PTPRC: variants seen among roughly 807,000 people sequenced by gnomAD.
The protein encoded by PTPRC is receptor-type tyrosine-protein phosphatase C.
PTPRC carries 44 observed loss-of-function variants against 155.9 expected under a neutral mutation model. The ratio of observed to expected loss-of-function variants is 0.28; its 90% CI spans 0.22 to 0.36. The LOEUF is 0.36. PTPRC is among the 10% of genes least tolerant of loss of function. The pLI is 1.00. For missense variants in PTPRC, 1,401 were observed against 1,564.6 expected, an observed-to-expected ratio of 0.90 and a Z score of 1.76; for synonymous variants, 525 against 533.1, an observed-to-expected ratio of 0.98 and a Z score of 0.21.
At chr1:198,678,793 T>C (rs1196655593) in intron 2 of PTPRC, among the ~76,000 whole-genome samples, 1 of 152,058 alleles carries the variant, frequency 6.6e-6, no homozygotes, top group Non-Finnish European at 1.5e-5. Context: ...CTTTGATGCT[T>C]TGCTCTATTA....
intron 25 of PTPRC, among the ~76,000 whole-genome samples, chr1:198,743,424 A>G (rs1052832856): frequency 6.6e-6 from 1 of 151,928 alleles, no homozygotes; most frequent in African/African-American, 2.4e-5. Flanking sequence ...TACAGTGGAA[A>G]ATAAAGTACA....
At chr1:198,702,923 G>A (rs6680214) in intron 6 of PTPRC, among the ~76,000 whole-genome samples, 12,137 of 152,122 alleles carry the variant, frequency 0.08, 518 homozygotes, top group Non-Finnish European at 0.096. Flanking sequence ...AATAATTAAC[G>A]TGATGTCTGA....
intron 4 of PTPRC, among the ~76,000 whole-genome samples, chr1:198,697,813 G>A (rs778643678): frequency 1.3e-5 from 2 of 151,982 alleles, no homozygotes; most frequent in Non-Finnish European, 2.9e-5. Context: ...TTTTGTTTAG[G>A]GTACATCAAA....
At chr1:198,710,588 A>G (rs1393265712) in intron 11 of PTPRC, among the ~76,000 whole-genome samples, 1 of 152,184 alleles carries the variant, frequency 6.6e-6, no homozygotes, top group Non-Finnish European at 1.5e-5. Context: ...CCATTAATTT[A>G]TGTCTTCTTT....
At chr1:198,656,166 A>G (rs1258821452) in intron 2 of PTPRC, among the ~76,000 whole-genome samples, 1 of 152,136 alleles carries the variant, frequency 6.6e-6, no homozygotes. Flanking sequence ...AGTAGGATGT[A>G]ATTTTTGTCC....
intron 32 of PTPRC, among the ~76,000 whole-genome samples, chr1:198,755,269 T>C (rs759700518): frequency 2.6e-5 from 4 of 152,080 alleles, no homozygotes; most frequent in Non-Finnish European, 5.9e-5. Flanking sequence ...CTCTATGTGG[T>C]AGTAACTGTA....
At chr1:198,730,716 C>T (rs1438898196) in intron 17 of PTPRC, among the ~76,000 whole-genome samples, 2 of 152,120 alleles carry the variant, frequency 1.3e-5, no homozygotes, top group Non-Finnish European at 2.9e-5. Context: ...CCATGAAACC[C>T]TGAATGTGGC....
intron 9 of PTPRC, among the ~76,000 whole-genome samples, chr1:198,707,773 G>A (rs1021024899): frequency 6.6e-6 from 1 of 152,110 alleles, no homozygotes; most frequent in African/African-American, 2.4e-5. Flanking sequence ...TTAAAAGTAA[G>A]TAAAGAGTAA....
chr1:198,704,018 C>T (rs1444205462), intron 7 of PTPRC: 1 of 174,994 alleles, frequency 5.7e-6, no homozygotes, highest in Non-Finnish European at 1.2e-5. Context: ...AAAGAGCTTA[C>T]AAAAGTTAAT....
intron 18 of PTPRC, among the ~76,000 whole-genome samples, chr1:198,732,082 A>C (rs1654413970): frequency 6.6e-6 from 1 of 151,936 alleles, no homozygotes; most frequent in Non-Finnish European, 1.5e-5. Context: ...CCCACTCAAG[A>C]GATTTGTTCT....
chr1:198,703,185 G>A (rs1363625517), intron 6 of PTPRC, 113 bp from the exon 7 acceptor site: 4 of 1,428,454 alleles, frequency 2.8e-6, no homozygotes, highest in African/African-American at 2.8e-5. Flanking sequence ...AATCAAACGA[G>A]GACTCCTAGA....
At chr1:198,733,869 G>A (rs1366894818) in intron 20 of PTPRC, among the ~76,000 whole-genome samples, 1 of 151,768 alleles carries the variant, frequency 6.6e-6, no homozygotes, top group Non-Finnish European at 1.5e-5. Context: ...AGAGTTGGCA[G>A]GATATAAAAT....
intron 2 of PTPRC, among the ~76,000 whole-genome samples, chr1:198,648,755 G>GTGA (rs1454915358): frequency 1.3e-5 from 2 of 151,768 alleles, no homozygotes; most frequent in African/African-American, 4.8e-5. Flanking sequence ...GAATACTGAT[G>GTGA]TGATGTGTTA....
At chr1:198,719,799 T>C (rs1653794292) in intron 14 of PTPRC, among the ~76,000 whole-genome samples, 1 of 151,992 alleles carries the variant, frequency 6.6e-6, no homozygotes, top group South Asian at 2.1e-4. Context: ...TCAGTAGAGA[T>C]AGGTTTTCAC....
rs557422077 is a variant in PTPRC, at chr1:198,747,017, C to T, written c.2848-1092C>T. Among the ~76,000 whole-genome samples, 6 of 151,728 alleles carry T rather than the reference C, an allele frequency of 4.0e-5. No individual in the cohort carries two copies. The South Asian group carries it at 1.0e-3, about 26-fold the overall frequency. On this transcript the variant is annotated intron_variant, in intron 26 of 32. Coordinates refer to ENST00000442510, the MANE Select transcript of PTPRC (RefSeq NM_002838.5). ...CTATATACACACACGTATCTACATGCGTGTGTGTGTATATAAAATCTTACC... is the reference window on the plus strand; with the variant it reads ...CTATATACACACACGTATCTACATGTGTGTGTGTGTATATAAAATCTTACC...
chr1:198,664,522 A>T (rs1256875157), intron 2 of PTPRC, among the ~76,000 whole-genome samples: 2 of 152,158 alleles, frequency 1.3e-5, no homozygotes, highest in Non-Finnish European at 2.9e-5. Context: ...CTGTTTTTTT[A>T]AAATTCTTTC....
intron 9 of PTPRC, 74 bp from the exon 10 acceptor site, chr1:198,708,059 G>A (rs892531280): frequency 4.2e-6 from 6 of 1,412,170 alleles, no homozygotes; most frequent in South Asian, 2.4e-5. Context: ...TAACTGACAT[G>A]TTAGGAATGA....
At chr1:198,735,019 T>G in intron 22 of PTPRC, 108 bp from the exon 23 acceptor site, 1 of 997,214 alleles carries the variant, frequency 1.0e-6, no homozygotes. Flanking sequence ...ACAACTGTTT[T>G]GAGAATTTCA....
At chr1:198,655,148 A>G (rs527476888) in intron 2 of PTPRC, among the ~76,000 whole-genome samples, 1 of 152,028 alleles carries the variant, frequency 6.6e-6, no homozygotes, top group South Asian at 2.1e-4. Context: ...TTACTGAGAG[A>G]CAAGTATTGT....
Sources: gnomAD v4.1 joint callset for allele counts (sites outside exome capture counted in the v4.1 genomes callset) on GRCh38, gnomAD v4.1.1 for gene constraint, MANE v1.5 for transcripts, NCBI Gene and HGNC (gene_info 2026-07-23, HGNC 2026-07-21) for gene names.